The following B3GALT1 variants were observed in gnomAD, a reference collection of about 807,000 sequenced individuals.
B3GALT1 encodes the protein UDP-Gal:betaGlcNAc beta 1,3-galactosyltransferase, polypeptide 1.
B3GALT1 carries 10 observed loss-of-function variants against 23.2 expected under a neutral mutation model. The ratio of observed to expected loss-of-function variants is 0.43; its 90% CI spans 0.27 to 0.73. B3GALT1 has a LOEUF of 0.73. Among genes scored for constraint, B3GALT1 ranks in the 30% least tolerant of loss-of-function variants. B3GALT1 has a pLI of 0.21. For missense variants in B3GALT1, 299 were observed against 405.4 expected, an observed-to-expected ratio of 0.74 and a Z score of 2.25; for synonymous variants, 156 against 141.5, an observed-to-expected ratio of 1.10 and a Z score of -0.73.
intron 1 of B3GALT1, among the ~76,000 whole-genome samples, chr2:167,306,687 G>C (rs1302148980): frequency 6.6e-6 from 1 of 151,958 alleles, no homozygotes; most frequent in East Asian, 1.9e-4. Flanking sequence ...TGTCTTCTAT[G>C]TAACAAAGTG....
intron 1 of B3GALT1, among the ~76,000 whole-genome samples, chr2:167,303,682 C>CACACACACACACACAGAGAGAG (rs535369991): frequency 5.4e-5 from 8 of 148,722 alleles, no homozygotes; most frequent in African/African-American, 1.8e-4. Context: ...CACACACACA[C>CACACACACACACACAGAGAGAG]AGAGAGAGAC....
chr2:167,797,626 C>T (rs1688565623), intron 3 of B3GALT1, among the ~76,000 whole-genome samples: 1 of 152,220 alleles, frequency 6.6e-6, no homozygotes, highest in Non-Finnish European at 1.5e-5. Context: ...TTCTTCGCAA[C>T]CTCACCAACA....
intron 1 of B3GALT1, among the ~76,000 whole-genome samples, chr2:167,373,792 CAAGTG>C (rs1697720638): frequency 6.6e-6 from 1 of 152,152 alleles, no homozygotes; most frequent in African/African-American, 2.4e-5. Context: ...CTGCTGACCT[CAAGTG>C]ATCCATCTGC....
intron 3 of B3GALT1, among the ~76,000 whole-genome samples, chr2:167,764,681 G>A (rs1323442775): frequency 6.6e-6 from 1 of 152,158 alleles, no homozygotes; most frequent in Admixed American, 6.5e-5. Flanking sequence ...ATTTTCTGAT[G>A]TATTTCACAT....
intron 2 of B3GALT1, among the ~76,000 whole-genome samples, chr2:167,609,623 C>T (rs772826291): frequency 2.0e-5 from 3 of 152,128 alleles, no homozygotes; most frequent in Non-Finnish European, 2.9e-5. Context: ...CAGCTGATCT[C>T]TCCTAAGAGC....
At chr2:167,557,267 CACTG>C (rs929466204) in intron 2 of B3GALT1, among the ~76,000 whole-genome samples, 1 of 151,894 alleles carries the variant, frequency 6.6e-6, no homozygotes, top group Non-Finnish European at 1.5e-5. Flanking sequence ...GAATTATAAA[CACTG>C]ACCAACAAAG....
At chr2:167,627,046 T>C (rs1383259600) in intron 2 of B3GALT1, among the ~76,000 whole-genome samples, 3 of 151,740 alleles carry the variant, frequency 2.0e-5, no homozygotes, top group Non-Finnish European at 4.4e-5. Context: ...TAAGTGTATT[T>C]TTCCTCATCA....
intron 1 of B3GALT1, among the ~76,000 whole-genome samples, chr2:167,455,365 C>A (rs1003802823): frequency 2.0e-5 from 3 of 152,136 alleles, no homozygotes; most frequent in African/African-American, 7.2e-5. Flanking sequence ...GGAATGAGCC[C>A]ATTCCTTACT....
At chr2:167,460,787 TG>T (rs1203865244) in intron 1 of B3GALT1, among the ~76,000 whole-genome samples, 1 of 152,200 alleles carries the variant, frequency 6.6e-6, no homozygotes, top group Non-Finnish European at 1.5e-5. Flanking sequence ...TTTATTATTT[TG>T]TAAGTTAAAA....
intron 4 of B3GALT1, among the ~76,000 whole-genome samples, chr2:167,820,049 T>C (rs6747172): frequency 0.021 from 3,148 of 152,220 alleles, 118 homozygotes; most frequent in African/African-American, 0.072. Context: ...CATGAGATTA[T>C]ACTCATAAGG....
At chr2:167,450,182 G>A (rs1426181613) in intron 1 of B3GALT1, among the ~76,000 whole-genome samples, 1 of 151,766 alleles carries the variant, frequency 6.6e-6, no homozygotes, top group Non-Finnish European at 1.5e-5. Context: ...TTCTTTGAAT[G>A]TCTGAAAGAA....
At chr2:167,595,398 A>G (rs1380157183) in intron 2 of B3GALT1, among the ~76,000 whole-genome samples, 1 of 152,224 alleles carries the variant, frequency 6.6e-6, no homozygotes, top group East Asian at 1.9e-4. Context: ...ATTAAACACA[A>G]TTAGAGCAAC....
intron 1 of B3GALT1, among the ~76,000 whole-genome samples, chr2:167,386,122 A>G (rs1697926197): frequency 6.6e-6 from 1 of 152,134 alleles, no homozygotes. Flanking sequence ...CATAGACGAG[A>G]CTTGAGATTG....
chr2:167,477,753 G>A (rs1204564415), intron 1 of B3GALT1, among the ~76,000 whole-genome samples: 1 of 152,168 alleles, frequency 6.6e-6, no homozygotes, highest in Non-Finnish European at 1.5e-5. Flanking sequence ...AGAATGAGTA[G>A]TTGTGGAAAC....
chr2:167,779,299 A>C (rs1688210319), intron 3 of B3GALT1, among the ~76,000 whole-genome samples: 1 of 152,158 alleles, frequency 6.6e-6, no homozygotes, highest in African/African-American at 2.4e-5. Context: ...ATTGCTTACC[A>C]TACGTAGATA....
intron 2 of B3GALT1, among the ~76,000 whole-genome samples, chr2:167,494,905 G>T (rs1176005840): frequency 6.6e-6 from 1 of 152,196 alleles, no homozygotes; most frequent in Non-Finnish European, 1.5e-5. Context: ...TGGGGCCCTG[G>T]TATCTGATTT....
At chr2:167,646,037 T>G (rs954975033) in intron 2 of B3GALT1, among the ~76,000 whole-genome samples, 3 of 152,190 alleles carry the variant, frequency 2.0e-5, no homozygotes, top group Non-Finnish European at 4.4e-5. Context: ...TGTACAGTTT[T>G]CTATACCTTT....
chr2:167,662,984 G>C (rs545629546), intron 3 of B3GALT1, among the ~76,000 whole-genome samples: 23 of 151,500 alleles, frequency 1.5e-4, no homozygotes, highest in South Asian at 4.2e-4. Context: ...TACACTTTAA[G>C]TTTTAGGGTA....
At chr2:167,301,884 G>A (rs1468895808) in intron 1 of B3GALT1, among the ~76,000 whole-genome samples, 1 of 152,096 alleles carries the variant, frequency 6.6e-6, no homozygotes, top group East Asian at 1.9e-4. Flanking sequence ...AAGATCAAGG[G>A]ACTGTAAATA....
Sources: gnomAD v4.1 joint callset for allele counts (sites outside exome capture counted in the v4.1 genomes callset) on GRCh38, gnomAD v4.1.1 for gene constraint, MANE v1.5 for transcripts, NCBI Gene and HGNC (gene_info 2026-07-23, HGNC 2026-07-21) for gene names.